PALM: variants seen among roughly 807,000 people sequenced by gnomAD.
PALM encodes paralemmin, also known as paralemmin-1.
A neutral mutation model predicts 30.7 loss-of-function variants in PALM; 18 were observed. That is an observed-to-expected ratio of 0.59 (90% CI 0.41 to 0.87). The LOEUF (loss-of-function observed/expected upper bound fraction) is 0.87, where lower values mean the gene tolerates loss of function less well. Among genes scored for constraint, PALM ranks in the 40% least tolerant of loss-of-function variants. The pLI is 0.00. For synonymous variants in PALM, 286 were observed against 242.8 expected (o/e 1.18, Z -1.66); for missense variants, 529 against 555.4 (o/e 0.95, Z 0.48).
At position 727,090 on chromosome 19, in the gene PALM, T is replaced by C; in HGVS notation, c.138+2T>C. The C allele has an allele frequency of 1.3e-6, 2 of 1,527,158 alleles. No homozygotes were observed. The highest frequency in any genetic ancestry group is 1.8e-6 in the Non-Finnish European group (2 of 1,131,876). 94.6% of individuals were successfully genotyped at this position (1,527,158 alleles called of 1,614,324 possible). A position where few individuals can be genotyped will look rare whatever the true frequency, so the allele number is the denominator to read the frequency against. On this transcript the variant is annotated splice_donor_variant, in intron 3 of 8. Coordinates refer to ENST00000338448, the MANE Select transcript of PALM (RefSeq NM_002579.3). LOFTEE classifies it high-confidence loss of function. Reference sequence around the variant, plus strand: ...CGGAGGCAGCTGCAGCACCTGAAGGTACGAGCGGGGCAGGGACCCAGGGTC... The same window carrying C: ...CGGAGGCAGCTGCAGCACCTGAAGGCACGAGCGGGGCAGGGACCCAGGGTC...
At chr19:743,080 G>A (rs147796949) in intron 8 of PALM, among the ~76,000 whole-genome samples, 11 of 152,282 alleles carry the variant, frequency 7.2e-5, no homozygotes, top group African/African-American at 2.6e-4. Context: ...CTGTCCTGGT[G>A]GCGTGACGTG....
At chr19:726,961 C>CA in intron 2 of PALM, 47 bp from the exon 3 acceptor site, 2 of 1,166,750 alleles carry the variant, frequency 1.7e-6, no homozygotes, top group Non-Finnish European at 2.5e-6. Context: ...GGGGGGGTCT[C>CA]CGGGACCCCC....
At chr19:734,128 C>G (rs1305880577) in intron 5 of PALM, 45 bp from the exon 6 acceptor site, 1 of 1,609,578 alleles carries the variant, frequency 6.2e-7, no homozygotes, top group Non-Finnish European at 8.5e-7. Flanking sequence ...CTTCCTCTTC[C>G]CGGGGATGCT....
Position 726,174 on chromosome 19 carries a change from G to A in PALM, c.42G>A (p.Arg14=), listed in dbSNP as rs2032654919. ...LAAETTSQQE[R]LQAIAEKRKR... ...CAGAGACCACGTCCCAGCAGGAGCG[G>A]CTGCAGGCCATCGCAGTGAGTTTCC... The change falls in exon 2 of 9, where the codon CGG becomes CGA. Residue 14 remains arginine (R), a synonymous_variant. Transcript: ENST00000338448. 2.5e-6 allele frequency: 4 copies of A among 1,613,088 alleles called. No homozygotes were observed. The highest frequency in any genetic ancestry group is 2.7e-5 in the African/African-American group (2 of 74,952).
intron 1 of PALM, among the ~76,000 whole-genome samples, chr19:711,395 G>A (rs1210008738): frequency 2.6e-5 from 4 of 152,150 alleles, no homozygotes; most frequent in African/African-American, 9.7e-5. Flanking sequence ...CCCCGGGATA[G>A]GGAGGAGAAC....
intron 1 of PALM, among the ~76,000 whole-genome samples, chr19:710,543 C>T (rs986950580): frequency 6.6e-6 from 1 of 152,192 alleles, no homozygotes; most frequent in East Asian, 1.9e-4. Flanking sequence ...CGGAGATCTC[C>T]CTCCCAGAGG....
At chr19:734,358 G>A (rs772678919) in intron 6 of PALM, 164 bp downstream of exon 6, 114 of 638,950 alleles carry the variant, frequency 1.8e-4, no homozygotes, top group Admixed American at 4.0e-4. Context: ...TCAGGAGTTC[G>A]AGACCAGCCT....
At chr19:736,155 G>T in intron 7 of PALM, 77 bp downstream of exon 7, 2 of 1,021,268 alleles carry the variant, frequency 2.0e-6, no homozygotes, top group South Asian at 1.4e-5. Flanking sequence ...GGGCCGGGTG[G>T]GGCGGGGGCG....
Position 731,167 on chromosome 19 carries a change from C to G in PALM, c.342C>G (p.Ala114=). ...CCACTGCCAAGGAGAACGCGGCGGC[C>G]CCGAGCCCAGTCCGGGCCCCAGCCC... The part of the protein sequence containing the change: ...APATAKENAA[A]PSPVRAPAPS... Residue 114 remains alanine, a synonymous_variant, in exon 5 of 9, where the codon GCC becomes GCG. Coordinates refer to ENST00000338448, the MANE Select transcript of PALM (RefSeq NM_002579.3). 3.7e-6 allele frequency: 6 copies of G among 1,609,746 alleles called. No individual in the cohort carries two copies. Among genetic ancestry groups the G allele is most frequent in the Non-Finnish European group, 5.1e-6 (6 of 1,178,568 alleles).
At chr19:743,684 G>T (rs892315170) in intron 8 of PALM, among the ~76,000 whole-genome samples, 1 of 152,202 alleles carries the variant, frequency 6.6e-6, no homozygotes, top group African/African-American at 2.4e-5. Context: ...CGTGGCCCAG[G>T]CAGCCGTGTT....
intron 1 of PALM, among the ~76,000 whole-genome samples, chr19:714,693 A>C (rs2032200788): frequency 6.6e-6 from 1 of 151,832 alleles, no homozygotes; most frequent in Admixed American, 6.6e-5. Context: ...TGTGTTGCTC[A>C]GGCTGGAGTG....
intron 4 of PALM, among the ~76,000 whole-genome samples, 170 bp from the exon 5 acceptor site, chr19:730,925 C>T (rs181583158): frequency 6.6e-6 from 1 of 152,100 alleles, no homozygotes; most frequent in African/African-American, 2.4e-5. Context: ...CACTTGAACC[C>T]GGGAGGTGGA....
In PALM at chr19:709,078, C is replaced by G; in HGVS notation, c.-69C>G. ...GCCAGGCCGCGTCCCCCTCCCCTCCCCTCCCCCGCGCGCCACCCGCGCCCG... is the reference window on the plus strand; with the variant it reads ...GCCAGGCCGCGTCCCCCTCCCCTCCGCTCCCCCGCGCGCCACCCGCGCCCG... On this transcript the variant is annotated 5_prime_UTR_variant, in exon 1 of 9. Transcript: ENST00000338448. This position sits in a 1 kb window ranked among gnomAD's most constrained non-coding sequence, Gnocchi z 4.3. 4.0e-6 allele frequency: 1 copy of G among 250,138 alleles called. No individual in the cohort carries two copies. Among genetic ancestry groups the G allele is most frequent in the Non-Finnish European group, 7.6e-6 (1 of 131,662 alleles). 15.5% of individuals were successfully genotyped at this position (250,138 alleles called of 1,614,324 possible).
chr19:710,050 T>G (rs8109226), intron 1 of PALM, among the ~76,000 whole-genome samples: 61,235 of 151,904 alleles, frequency 0.4, 13,334 homozygotes, highest in African/African-American at 0.58. Context: ...GTCAGGAGGC[T>G]CCTCCTGGGG....
intron 2 of PALM, among the ~76,000 whole-genome samples, chr19:726,402 T>C (rs577324235): frequency 1.3e-5 from 2 of 152,282 alleles, no homozygotes; most frequent in African/African-American, 4.8e-5. Flanking sequence ...TCGCTCTGCC[T>C]GATGGGTCGG....
intron 4 of PALM, among the ~76,000 whole-genome samples, chr19:730,214 C>T (rs2032827861): frequency 6.6e-6 from 1 of 152,102 alleles, no homozygotes; most frequent in Non-Finnish European, 1.5e-5. Flanking sequence ...CGGCTGTGGG[C>T]TGGACCCCTC....
chr19:709,512 G>C lies in PALM; in HGVS notation c.5+361G>C, dbSNP rs2031998860. Among the ~76,000 whole-genome samples, 1 of 152,078 alleles carries C rather than the reference G, an allele frequency of 6.6e-6. No individual in the cohort carries two copies. On this transcript the variant is annotated intron_variant, in intron 1 of 8. Coordinates refer to ENST00000338448, the MANE Select transcript of PALM (RefSeq NM_002579.3). The surrounding 1 kb of genome is among the most constrained non-coding windows in gnomAD (Gnocchi z 4.3). ...TCGGCCACCTGTGGGTGGCCCCGGG[G>C]AGATGGAGCGACCCCTCCCCAGATT...
intron 6 of PALM, chr19:734,440 C>T (rs767511415): frequency 1.9e-6 from 1 of 537,044 alleles, no homozygotes; most frequent in African/African-American, 2.0e-5. Context: ...TGGCTCATGC[C>T]TGTAATCCCA....
In PALM at chr19:742,473, C is replaced by T. The variant is rs1390122229; in HGVS notation, c.634+1990C>T. Among the ~76,000 whole-genome samples the T allele has an allele frequency of 1.3e-5, 2 of 152,040 alleles. No homozygotes were observed. The highest frequency in any genetic ancestry group is 6.6e-5 in the Admixed American group (1 of 15,256). ...TACAAAAATTAGCTGGACGTGGTGG[C>T]GGACGCCTGTAATCCCAGATACTTT... On this transcript the variant is annotated intron_variant, in intron 8 of 8. Coordinates refer to ENST00000338448, the MANE Select transcript of PALM (RefSeq NM_002579.3). This position sits in a 1 kb window ranked among gnomAD's most constrained non-coding sequence, Gnocchi z 5.5.
Sources: allele counts gnomAD v4.1 joint callset (sites outside exome capture counted in the v4.1 genomes callset), GRCh38; gene constraint gnomAD v4.1.1; non-coding constraint Gnocchi (gnomAD v3.1); transcripts MANE v1.5; gene names NCBI Gene and HGNC (gene_info 2026-07-23, HGNC 2026-07-21).